FRMPD3: variants seen among roughly 807,000 people sequenced by gnomAD.
FRMPD3 encodes FERM and PDZ domain-containing protein 3.
In FRMPD3, 42 loss-of-function variants were observed where a neutral mutation model predicts 97.9. That is an observed-to-expected ratio of 0.43 (90% confidence interval 0.34 to 0.55). The LOEUF (loss-of-function observed/expected upper bound fraction) is 0.55, where lower values mean the gene tolerates loss of function less well. Ranked by LOEUF, FRMPD3 falls within the 20% of genes least tolerant of loss-of-function variation. FRMPD3 has a pLI of 0.03. For missense variants in FRMPD3, 1,303 were observed against 1,457.7 expected (o/e 0.89, Z 1.73); for synonymous variants, 577 against 581.1 (o/e 0.99, Z 0.10).
chrX:107,519,414 AGCCTGGGAGGTCAAG>A (rs1211134896), intron 1 of FRMPD3, among the ~76,000 whole-genome samples: 7 of 111,781 alleles, frequency 6.3e-5, no homozygotes, highest in African/African-American at 2.3e-4. Flanking sequence ...GGATTGCTTG[AGCCTGGGAGGTCAAG>A]GCTGCAGTGA....
intron 5 of FRMPD3, among the ~76,000 whole-genome samples, chrX:107,549,313 ACT>A (rs1350483376): frequency 9.2e-6 from 1 of 108,683 alleles, no homozygotes; most frequent in Non-Finnish European, 1.9e-5. Context: ...ACAGAGCGAG[ACT>A]CTGTCTCAAA....
chrX:107,485,671 A>T (rs953068644), intron 1 of FRMPD3, among the ~76,000 whole-genome samples: 28 of 111,967 alleles, frequency 2.5e-4, no homozygotes, highest in Non-Finnish European at 3.0e-4. Flanking sequence ...TGAGTAAATT[A>T]TCTTGAGAAA....
intron 4 of FRMPD3, among the ~76,000 whole-genome samples, chrX:107,538,150 A>G (rs1921086073): frequency 1.8e-5 from 2 of 111,752 alleles, no homozygotes; most frequent in Non-Finnish European, 3.8e-5. Context: ...CTCTTTGTAA[A>G]ATAAAGAACA....
chrX:107,583,516 C>CT (rs942112692), intron 13 of FRMPD3, among the ~76,000 whole-genome samples: 7 of 111,989 alleles, frequency 6.3e-5, no homozygotes, highest in Non-Finnish European at 1.3e-4. Flanking sequence ...GGTTCCATGA[C>CT]TTTGCTATTG....
intron 13 of FRMPD3, among the ~76,000 whole-genome samples, chrX:107,595,844 A>G (rs1432021252): frequency 9.2e-6 from 1 of 108,560 alleles, no homozygotes; most frequent in Non-Finnish European, 1.9e-5. Flanking sequence ...AGGCTGAGGC[A>G]GGAGAATCAC....
At chrX:107,457,019 A>C (rs1205602047) in intron 1 of FRMPD3, among the ~76,000 whole-genome samples, 1 of 111,648 alleles carries the variant, frequency 9.0e-6, no homozygotes, top group Non-Finnish European at 1.9e-5. Flanking sequence ...AGGTAGAGGA[A>C]ACCTGATTTA....
chrX:107,557,356 G>T (rs1922123065), intron 8 of FRMPD3, among the ~76,000 whole-genome samples: 1 of 110,107 alleles, frequency 9.1e-6, no homozygotes, highest in Non-Finnish European at 1.9e-5. Context: ...ATATACTCTG[G>T]ATACAAGCTG....
chrX:107,567,337 C>T (rs1485322196), intron 12 of FRMPD3, among the ~76,000 whole-genome samples: 1 of 111,759 alleles, frequency 8.9e-6, no homozygotes, highest in African/African-American at 3.3e-5. Flanking sequence ...AGCATACTGC[C>T]TGGCACACAG....
rs891906038 is a variant in FRMPD3 at position 107,599,635 on chromosome X, C to T, written c.2264-668C>T. On this transcript the variant is annotated intron_variant, in intron 14 of 14. Transcript: ENST00000683843. The stretch of plus-strand genomic sequence containing the variant: ...TCTTTAGGACAATTAACAAAAATTT[C>T]CTAGCTGTTGAATCTAAAAATAGTT... Among the ~76,000 whole-genome samples, 6 of 112,419 alleles carry T rather than the reference C, an allele frequency of 5.3e-5. 1 individual carries two copies. The highest frequency in any genetic ancestry group is 4.7e-4 in the Admixed American group (5 of 10,644).
intron 13 of FRMPD3, among the ~76,000 whole-genome samples, chrX:107,592,333 C>T (rs989564557): frequency 8.9e-6 from 1 of 111,742 alleles, no homozygotes; most frequent in African/African-American, 3.3e-5. Context: ...TACAGCCATA[C>T]CTCCCTGAAT....
intron 1 of FRMPD3, among the ~76,000 whole-genome samples, chrX:107,483,454 C>G (rs1323734419): frequency 8.9e-6 from 1 of 112,330 alleles, no homozygotes; most frequent in East Asian, 2.8e-4. Context: ...ACCCTGGACC[C>G]AGGCTGAGAC....
intron 13 of FRMPD3, among the ~76,000 whole-genome samples, chrX:107,581,056 A>G (rs189772811): frequency 3.6e-5 from 4 of 111,781 alleles, no homozygotes; most frequent in African/African-American, 6.5e-5. Context: ...GGATTGTGTG[A>G]GATAAACCAC....
At chrX:107,493,957 G>A (rs1450034510) in intron 1 of FRMPD3, among the ~76,000 whole-genome samples, 1 of 111,429 alleles carries the variant, frequency 9.0e-6, no homozygotes, top group African/African-American at 3.3e-5. Flanking sequence ...CTCTCAGAAA[G>A]GTTTCTTGGA....
chrX:107,594,054 A>C (rs1196808683), intron 13 of FRMPD3, among the ~76,000 whole-genome samples: 1 of 111,829 alleles, frequency 8.9e-6, no homozygotes, highest in Admixed American at 9.5e-5. Flanking sequence ...GATTTCTTTC[A>C]GCAGTGTTTT....
intron 13 of FRMPD3, among the ~76,000 whole-genome samples, chrX:107,588,857 C>G (rs1923779140): frequency 9.0e-6 from 1 of 111,220 alleles, no homozygotes; most frequent in Non-Finnish European, 1.9e-5. Context: ...CTTTCTTCCA[C>G]TTGGTTGATT....
At chrX:107,522,036 C>A (rs948305135) in intron 1 of FRMPD3, among the ~76,000 whole-genome samples, 4 of 111,612 alleles carry the variant, frequency 3.6e-5, no homozygotes, top group Non-Finnish European at 5.7e-5. Flanking sequence ...ATGGAGGGAT[C>A]AGTTTAGCCC....
Position 107,576,362 on chromosome X carries a change from C to T in FRMPD3, c.1344C>T (p.Cys448=). ...GGCCTGAAGCCACCAACTTTGCCTG[C>T]CTGATCGCGGGGTACTGCCGCCTCT... The part of the protein sequence containing the change: ...MEWPEATNFA[C]LIAGYCRLLL... The change falls in exon 13 of 15, where the codon TGC becomes TGT. Residue 448 remains cysteine, a synonymous_variant. Coordinates refer to ENST00000683843, the MANE Select transcript of FRMPD3 (RefSeq NM_001388459.1). 8.3e-7 allele frequency: 1 copy of T among 1,210,665 alleles called. No homozygotes were observed. Among genetic ancestry groups the T allele is most frequent in the Non-Finnish European group, 1.1e-6 (1 of 895,201 alleles).
intron 13 of FRMPD3, among the ~76,000 whole-genome samples, chrX:107,581,464 TA>T (rs1281325612): frequency 5.8e-4 from 59 of 102,167 alleles, no homozygotes; most frequent in South Asian, 4.7e-3. Flanking sequence ...AGCTGTGCTT[TA>T]AAAAAAAAAA....
At chrX:107,568,083 C>T (rs1922687832) in intron 12 of FRMPD3, among the ~76,000 whole-genome samples, 1 of 109,569 alleles carries the variant, frequency 9.1e-6, no homozygotes, top group Non-Finnish European at 1.9e-5. Flanking sequence ...TACTATGTGC[C>T]CAGCAGAAGC....
Sources: allele counts gnomAD v4.1 joint callset (sites outside exome capture counted in the v4.1 genomes callset), GRCh38; gene constraint gnomAD v4.1.1; transcripts MANE v1.5; gene names NCBI Gene and HGNC (gene_info 2026-07-23, HGNC 2026-07-21).